The following BCAS3 variants were observed in gnomAD, a reference collection of about 807,000 sequenced individuals.
The protein encoded by BCAS3 is BCAS3 microtubule associated cell migration factor.
In BCAS3, 53 loss-of-function variants were observed where a neutral mutation model predicts 116.1. The observed-to-expected ratio is 0.46, with a 90% CI of 0.37 to 0.57. BCAS3 has a LOEUF of 0.57. Ranked by LOEUF, BCAS3 falls within the 20% of genes least tolerant of loss-of-function variation. BCAS3 has a pLI of 0.00. For missense variants in BCAS3, 917 were observed against 1,165.4 expected (o/e 0.79, Z 3.10); for synonymous variants, 391 against 408.2 (o/e 0.96, Z 0.51).
At chr17:60,685,714 A>G (rs553920768) in intron 3 of BCAS3, among the ~76,000 whole-genome samples, 139 of 152,272 alleles carry the variant, frequency 9.1e-4, no homozygotes, top group Non-Finnish European at 1.7e-3. Flanking sequence ...GATCCAGGGT[A>G]GAGATGTAGA....
At chr17:61,053,957 A>G (rs2069121130) in intron 19 of BCAS3, among the ~76,000 whole-genome samples, 1 of 152,202 alleles carries the variant, frequency 6.6e-6, no homozygotes, top group Non-Finnish European at 1.5e-5. Context: ...TTAGACCCTG[A>G]ATTTAGCCAC....
intron 22 of BCAS3, among the ~76,000 whole-genome samples, chr17:61,334,448 C>G (rs2056542056): frequency 6.6e-6 from 1 of 152,082 alleles, no homozygotes. Flanking sequence ...AGACGAATCA[C>G]CTGAGTCAGG....
chr17:60,891,813 C>G (rs9303431), intron 10 of BCAS3: 65,062 of 449,384 alleles, frequency 0.14, 6,187 homozygotes, highest in African/African-American at 0.32. Flanking sequence ...CTTCCCTCCC[C>G]CTTTTGGAGT....
intron 6 of BCAS3, among the ~76,000 whole-genome samples, chr17:60,772,779 A>G (rs2044855121): frequency 6.6e-6 from 1 of 152,134 alleles, no homozygotes; most frequent in South Asian, 2.1e-4. Flanking sequence ...AGGCTGAGGC[A>G]GGAGAATCGC....
At chr17:61,370,751 A>T (rs2059004895) in intron 23 of BCAS3, among the ~76,000 whole-genome samples, 1 of 152,216 alleles carries the variant, frequency 6.6e-6, no homozygotes. Flanking sequence ...CCCAGTTTCC[A>T]TGGCTGAGAA....
At position 61,329,302 on chromosome 17, in the gene BCAS3, G is replaced by A. The variant is rs533363980; in HGVS notation, c.2426-39025G>A. Among the ~76,000 whole-genome samples the A allele has an allele frequency of 5.3e-5, 8 of 151,448 alleles. No individual in the cohort carries two copies. The South Asian group carries it at 1.7e-3, about 32-fold the overall frequency. On this transcript the variant is annotated intron_variant, in intron 22 of 23. Coordinates refer to ENST00000407086, the MANE Select transcript of BCAS3 (RefSeq NM_017679.5). ...GGGTTAGGGTTAATATAAACTTTGG[G>A]AGGACACAAACATCCAGGCCATGTT...
chr17:60,714,348 T>C (rs2038301465), intron 5 of BCAS3, among the ~76,000 whole-genome samples: 1 of 152,140 alleles, frequency 6.6e-6, no homozygotes, highest in African/African-American at 2.4e-5. Context: ...GCTTCTAGTA[T>C]ATGCTCAGGA....
chr17:61,014,746 C>A (rs1466825929), intron 15 of BCAS3, among the ~76,000 whole-genome samples: 1 of 151,432 alleles, frequency 6.6e-6, no homozygotes, highest in African/African-American at 2.4e-5. Flanking sequence ...CCTTAGGAAT[C>A]CAGAAGACAT....
chr17:61,322,800 G>C (rs1433201629), intron 22 of BCAS3, among the ~76,000 whole-genome samples: 2 of 114,416 alleles, frequency 1.7e-5, no homozygotes, highest in African/African-American at 3.6e-5. Context: ...GAGACAGAGA[G>C]AGAGAGAGAG....
At chr17:60,689,859 C>A in intron 4 of BCAS3, 98 bp downstream of exon 4, 1 of 791,716 alleles carries the variant, frequency 1.3e-6, no homozygotes, top group Non-Finnish European at 2.0e-6. Context: ...ATTACTTTCT[C>A]TTATAGTAAT....
intron 19 of BCAS3, among the ~76,000 whole-genome samples, chr17:61,067,755 A>ATATG (rs2070878099): frequency 6.7e-6 from 1 of 149,924 alleles, no homozygotes; most frequent in African/African-American, 2.4e-5. Context: ...ATATATATAT[A>ATATG]TAGAAACACA....
In BCAS3 at chr17:61,151,968, G is replaced by A. The variant is rs1433758860; in HGVS notation, c.2425+67404G>A. Reference sequence around the variant, plus strand: ...TACCGGAAGGGCAAGGATTCTCTGTGTGCCCAGGGAAAGTGGTTTTATGAT... The same window carrying A: ...TACCGGAAGGGCAAGGATTCTCTGTATGCCCAGGGAAAGTGGTTTTATGAT... On this transcript the variant is annotated intron_variant, in intron 22 of 23. Transcript: ENST00000407086. The surrounding 1 kb of genome is among the most constrained non-coding windows in gnomAD (Gnocchi z 4.8). Among the ~76,000 whole-genome samples the A allele has an allele frequency of 6.6e-6, 1 of 152,228 alleles. No homozygotes were observed. Among genetic ancestry groups the A allele is most frequent in the Non-Finnish European group, 1.5e-5 (1 of 68,040 alleles).
chr17:60,709,397 C>CTTT, intron 5 of BCAS3, 72 bp downstream of exon 5: 3 of 805,602 alleles, frequency 3.7e-6, no homozygotes, highest in South Asian at 1.8e-5. Context: ...TCTGTAGATA[C>CTTT]TTTTTTTTTT....
rs548641343 is a variant in BCAS3, at chr17:60,969,120, A to C, written c.1222-20851A>C. Among the ~76,000 whole-genome samples, 155 of 152,220 alleles carry C rather than the reference A, an allele frequency of 1.0e-3. 1 individual carries two copies. The highest frequency in any genetic ancestry group is 4.1e-4 in the Non-Finnish European group (28 of 67,992). The stretch of plus-strand genomic sequence containing the variant: ...TTCTTTTTCACTTCTCTGTGGCCTC[A>C]GGAATTGTCTCATCCTCATATTTGA... On this transcript the variant is annotated intron_variant, in intron 14 of 23. Coordinates refer to ENST00000407086, the MANE Select transcript of BCAS3 (RefSeq NM_017679.5).
intron 19 of BCAS3, among the ~76,000 whole-genome samples, chr17:61,045,496 G>A (rs1025835361): frequency 1.7e-4 from 26 of 148,742 alleles, no homozygotes; most frequent in African/African-American, 6.5e-4. Flanking sequence ...GGGTGACAGA[G>A]CAAGATTCTG....
chr17:60,810,705 G>T, intron 7 of BCAS3: 1 of 663,694 alleles, frequency 1.5e-6, no homozygotes, highest in Non-Finnish European at 2.8e-6. Flanking sequence ...CTGTGGAGAG[G>T]GACATCCATG....
intron 7 of BCAS3, among the ~76,000 whole-genome samples, chr17:60,829,573 T>A (rs2050737589): frequency 6.6e-6 from 1 of 151,972 alleles, no homozygotes; most frequent in South Asian, 2.1e-4. Flanking sequence ...GATATTTGGA[T>A]TGTTTGCCAT....
At position 61,161,458 on chromosome 17, in the gene BCAS3, G is replaced by A. The variant is rs1053653410; in HGVS notation, c.2425+76894G>A. 1.1e-4 allele frequency among the ~76,000 whole-genome samples: 16 copies of A among 152,268 alleles called. No homozygotes were observed. Among genetic ancestry groups the A allele is most frequent in the African/African-American group, 2.9e-4 (12 of 41,556 alleles). On this transcript the variant is annotated intron_variant, in intron 22 of 23. Coordinates refer to ENST00000407086, the MANE Select transcript of BCAS3 (RefSeq NM_017679.5). The surrounding 1 kb of genome is among the most constrained non-coding windows in gnomAD (Gnocchi z 4.8). ...CAATTTCATTACCACAGAGCATAGC[G>A]TTTTCAAATTTATTCTTTAAAAGAC...
intron 16 of BCAS3, among the ~76,000 whole-genome samples, chr17:61,018,732 C>G (rs754485834): frequency 1.3e-5 from 2 of 152,148 alleles, no homozygotes; most frequent in Non-Finnish European, 2.9e-5. Flanking sequence ...GTTTTTGCAG[C>G]CTTAATATAC....
Sources: allele counts gnomAD v4.1 joint callset (sites outside exome capture counted in the v4.1 genomes callset), GRCh38; gene constraint gnomAD v4.1.1; non-coding constraint Gnocchi (gnomAD v3.1); transcripts MANE v1.5; gene names NCBI Gene and HGNC (gene_info 2026-07-23, HGNC 2026-07-21).